Variants in MGST1 observed in about 807,000 individuals in gnomAD.
MGST1 encodes microsomal glutathione S-transferase 1, also known as glutathione S-transferase 12.
In MGST1, 5 loss-of-function variants were observed where a neutral mutation model predicts 8.9. The observed-to-expected ratio is 0.56, with a 90% CI of 0.29 to 1.19. MGST1 has a LOEUF of 1.19. Ranked by LOEUF, MGST1 falls within the 50% of genes most tolerant of loss-of-function variation. The probability of loss-of-function intolerance (pLI) is 0.08; values close to 1 mark genes in which losing one functional copy is unlikely to be tolerated. For synonymous variants in MGST1, 54 were observed against 67.8 expected (o/e 0.80, Z 1.00); for missense variants, 182 against 187.4 (o/e 0.97, Z 0.17).
intron 1 of MGST1, among the ~76,000 whole-genome samples, chr12:16,407,859 C>T (rs1407645478): frequency 2.0e-5 from 3 of 151,812 alleles, no homozygotes; most frequent in Admixed American, 2.0e-4. Context: ...TGGTGAAACC[C>T]TGTCTCTACT....
chr12:16,480,479 G>C (rs1941357231), intron 4 of MGST1, among the ~76,000 whole-genome samples: 1 of 152,010 alleles, frequency 6.6e-6, no homozygotes, highest in Non-Finnish European at 1.5e-5. Context: ...GAGAAAATCA[G>C]AATACAAGCC....
rs560466489 is a variant in MGST1 at position 16,481,519 on chromosome 12, A to C, written n.482+97915A>C. ...TGTTCTAAAAAGAAAAAGATGTGTA[A>C]GAAATAAAAAATAATAAGATGAACC... is the stretch of plus-strand genomic sequence containing the variant. On this transcript the variant is annotated intron_variant and non_coding_transcript_variant, in intron 4 of 4. Coordinates refer to the MGST1 transcript ENST00000538857. Among the ~76,000 whole-genome samples the C allele has an allele frequency of 2.1e-4, 32 of 152,372 alleles. No individual in the cohort carries two copies. In the South Asian group the frequency reaches 6.4e-3, roughly 31 times the overall value.
chr12:16,486,934 T>G (rs1941402713), intron 4 of MGST1, among the ~76,000 whole-genome samples: 1 of 152,136 alleles, frequency 6.6e-6, no homozygotes, highest in Non-Finnish European at 1.5e-5. Context: ...CACATCAGAG[T>G]GCTCTTCCAG....
At position 16,463,850 on chromosome 12, in the gene MGST1, A is replaced by G. The variant is rs899453422; in HGVS notation, n.482+80246A>G. Among the ~76,000 whole-genome samples the G allele has an allele frequency of 3.9e-5, 6 of 152,310 alleles. No homozygotes were observed. The East Asian group carries it at 9.7e-4, about 25-fold the overall frequency. ...CTGCCTCTTGGTCAATAACTACCAC[A>G]ACATATTTGAAAAGAAAGATTACTT... On this transcript the variant is annotated intron_variant and non_coding_transcript_variant, in intron 4 of 4. Coordinates refer to the MGST1 transcript ENST00000538857.
intron 4 of MGST1, among the ~76,000 whole-genome samples, chr12:16,478,431 T>G (rs530890479): frequency 3.3e-5 from 5 of 152,254 alleles, no homozygotes; most frequent in African/African-American, 1.2e-4. Context: ...TACAGAAAAT[T>G]TTGAATCTCT....
chr12:16,566,449 T>A (rs749307503), intron 4 of MGST1, among the ~76,000 whole-genome samples: 11 of 152,112 alleles, frequency 7.2e-5, no homozygotes, highest in Non-Finnish European at 1.5e-4. Context: ...TATGAGGCGA[T>A]GGGTATTTGA....
intron 1 of MGST1, among the ~76,000 whole-genome samples, chr12:16,395,523 G>C (rs1208965097): frequency 2.6e-5 from 4 of 151,854 alleles, no homozygotes; most frequent in Non-Finnish European, 5.9e-5. Context: ...CCCATCACCT[G>C]AGCAGTATAC....
chr12:16,468,462 C>G (rs1941269339), intron 4 of MGST1, among the ~76,000 whole-genome samples: 1 of 152,274 alleles, frequency 6.6e-6, no homozygotes, highest in East Asian at 1.9e-4. Context: ...CTCCAATCTT[C>G]CTATCAAGAA....
intron 4 of MGST1, among the ~76,000 whole-genome samples, chr12:16,527,479 A>G (rs1298820389): frequency 6.6e-6 from 1 of 152,032 alleles, no homozygotes; most frequent in Non-Finnish European, 1.5e-5. Flanking sequence ...CACACATGGA[A>G]TTAGTAGGTT....
intron 4 of MGST1, among the ~76,000 whole-genome samples, chr12:16,540,944 G>A (rs1051314971): frequency 1.3e-5 from 2 of 152,076 alleles, no homozygotes; most frequent in Admixed American, 6.6e-5. Flanking sequence ...AAATTTTAGA[G>A]GGGCACAAGG....
At position 16,576,933 on chromosome 12, in the gene MGST1, T is replaced by C. The variant is rs1943011955; in HGVS notation, n.483-12595T>C. 6.6e-6 allele frequency among the ~76,000 whole-genome samples: 1 copy of C among 152,294 alleles called. No homozygotes were observed. The highest frequency in any genetic ancestry group is 1.9e-4 in the East Asian group (1 of 5,188). On this transcript the variant is annotated intron_variant and non_coding_transcript_variant, in intron 4 of 4. Coordinates refer to the MGST1 transcript ENST00000538857. The surrounding 1 kb of genome is among the most constrained non-coding windows in gnomAD (Gnocchi z 4.1). Reference sequence around the variant, plus strand: ...CCACGTTCTTTCCTAAACTATCTATTTTAGAAATAACCCAATAAGGGCAAA... The same window carrying C: ...CCACGTTCTTTCCTAAACTATCTATCTTAGAAATAACCCAATAAGGGCAAA...
chr12:16,528,663 G>A (rs959136137), intron 4 of MGST1, among the ~76,000 whole-genome samples: 2 of 151,962 alleles, frequency 1.3e-5, no homozygotes, highest in Non-Finnish European at 2.9e-5. Context: ...ATGGTGGAGA[G>A]TATACAGTTT....
intron 2 of MGST1, among the ~76,000 whole-genome samples, chr12:16,355,701 C>T (rs74063740): frequency 1.2e-3 from 182 of 152,192 alleles, no homozygotes; most frequent in African/African-American, 4.0e-3. Flanking sequence ...TGGAGAGTGC[C>T]GGGAGCCACA....
At chr12:16,358,367 AT>A (rs1259157859) in intron 3 of MGST1, among the ~76,000 whole-genome samples, 2 of 152,062 alleles carry the variant, frequency 1.3e-5, no homozygotes, top group Non-Finnish European at 2.9e-5. Context: ...GTTCCCACTT[AT>A]AGGTGAGAAC....
intron 4 of MGST1, among the ~76,000 whole-genome samples, chr12:16,575,329 G>A (rs74811715): frequency 0.039 from 5,890 of 152,146 alleles, 397 homozygotes; most frequent in African/African-American, 0.14. Flanking sequence ...CTTTTTAATG[G>A]AAAAAGCAAC....
At chr12:16,386,083 A>T (rs1464038353) in intron 1 of MGST1, among the ~76,000 whole-genome samples, 1 of 152,056 alleles carries the variant, frequency 6.6e-6, no homozygotes, top group African/African-American at 2.4e-5. Context: ...AGTTCCCTGT[A>T]TGCCTGTTTG....
At chr12:16,557,557 A>G (rs1282421251) in intron 4 of MGST1, among the ~76,000 whole-genome samples, 1 of 152,078 alleles carries the variant, frequency 6.6e-6, no homozygotes, top group Non-Finnish European at 1.5e-5. Flanking sequence ...GAATTTAACC[A>G]GATAGAGATA....
chr12:16,442,205 C>T (rs1322400634), downstream of MGST1, among the ~76,000 whole-genome samples: 10 of 151,758 alleles, frequency 6.6e-5, no homozygotes, highest in Admixed American at 6.6e-5. The surrounding 1 kb of genome is among the most constrained non-coding windows in gnomAD (Gnocchi z 4.5). Context: ...TTGTATCTTT[C>T]GTAAAAGAGT....
intron 4 of MGST1, among the ~76,000 whole-genome samples, chr12:16,565,587 A>G (rs1270194882): frequency 6.6e-6 from 1 of 152,208 alleles, no homozygotes; most frequent in African/African-American, 2.4e-5. Flanking sequence ...TTTAGAATGT[A>G]CATATAAAAA....
Sources: allele counts gnomAD v4.1 joint callset (sites outside exome capture counted in the v4.1 genomes callset), GRCh38; gene constraint gnomAD v4.1.1; non-coding constraint Gnocchi (gnomAD v3.1); transcripts MANE v1.5; gene names NCBI Gene and HGNC (gene_info 2026-07-23, HGNC 2026-07-21).